PAM: variants seen among roughly 807,000 people sequenced by gnomAD.
PAM encodes the protein peptidyl-glycine alpha-amidating monooxygenase.
PAM carries 72 observed loss-of-function variants against 122.1 expected under a neutral mutation model. That is an observed-to-expected ratio of 0.59 (90% CI 0.49 to 0.72). The LOEUF (loss-of-function observed/expected upper bound fraction) is 0.72, where lower values mean the gene tolerates loss of function less well. Among genes scored for constraint, PAM ranks in the 30% least tolerant of loss-of-function variants. The probability of loss-of-function intolerance (pLI) is 0.00; values close to 1 mark genes in which losing one functional copy is unlikely to be tolerated. For synonymous variants in PAM, 389 were observed against 404.4 expected (o/e 0.96, Z 0.46); for missense variants, 1,106 against 1,183.7 (o/e 0.93, Z 0.96).
chr5:102,767,288 G>A (rs929061860), intron 1 of PAM, among the ~76,000 whole-genome samples: 2 of 151,946 alleles, frequency 1.3e-5, no homozygotes, highest in South Asian at 2.1e-4. Flanking sequence ...CATTTTGAAC[G>A]GTTGATGTTG....
At chr5:102,799,768 A>G (rs554620545) in intron 1 of PAM, among the ~76,000 whole-genome samples, 8 of 152,142 alleles carry the variant, frequency 5.3e-5, no homozygotes, top group Admixed American at 2.0e-4. Flanking sequence ...CTACTATTTC[A>G]CAGGTTGGCA....
chr5:102,755,304 C>T (rs907192835), upstream of PAM: 1 of 152,102 alleles, frequency 6.6e-6, no homozygotes, highest in African/African-American at 2.4e-5. Context: ...CTCCGCCGCC[C>T]GCAGGCTCCG....
At chr5:102,947,838 A>G (rs1323682371) in intron 8 of PAM, among the ~76,000 whole-genome samples, 2 of 152,136 alleles carry the variant, frequency 1.3e-5, no homozygotes, top group African/African-American at 4.8e-5. Flanking sequence ...ATAGAGAGAA[A>G]GAGAAAGAGT....
intron 1 of PAM, among the ~76,000 whole-genome samples, chr5:102,796,477 TGTCTGGTAGGA>T (rs544536720): frequency 6.6e-6 from 1 of 152,168 alleles, no homozygotes; most frequent in Admixed American, 6.5e-5. Context: ...ATCTTCCTAG[TGTCTGGTAGGA>T]GTCTGGTAGG....
intron 1 of PAM, among the ~76,000 whole-genome samples, chr5:102,777,235 G>A (rs1279893320): frequency 6.6e-6 from 1 of 152,030 alleles, no homozygotes; most frequent in Non-Finnish European, 1.5e-5. Context: ...TTTAGGAACT[G>A]AAGACTGTTC....
chr5:102,890,016 T>A (rs893773486), intron 3 of PAM, among the ~76,000 whole-genome samples: 2 of 151,970 alleles, frequency 1.3e-5, no homozygotes, highest in African/African-American at 4.8e-5. Flanking sequence ...GCAAAAAAGA[T>A]CTTAAAGATC....
At chr5:102,774,171 C>T (rs936452127) in intron 1 of PAM, among the ~76,000 whole-genome samples, 12 of 152,014 alleles carry the variant, frequency 7.9e-5, no homozygotes, top group African/African-American at 2.7e-4. Context: ...CTGCAGTGAA[C>T]GTTGATGTGC....
chr5:103,014,440 A>C (rs891362615), intron 21 of PAM, among the ~76,000 whole-genome samples: 1 of 152,222 alleles, frequency 6.6e-6, no homozygotes, highest in Non-Finnish European at 1.5e-5. Context: ...TATTACACCA[A>C]AACATATAAA....
chr5:102,784,206 C>G lies in PAM; in HGVS notation c.-374+28858C>G, dbSNP rs115455812. Among the ~76,000 whole-genome samples the G allele has an allele frequency of 9.8e-3, 1,499 of 152,218 alleles. 26 individuals carry two copies. Among genetic ancestry groups the G allele is most frequent in the African/African-American group, 0.034 (1,429 of 41,554 alleles). On this transcript the variant is annotated intron_variant, in intron 1 of 25. Coordinates refer to ENST00000438793, the MANE Select transcript of PAM (RefSeq NM_001177306.2). ...CCGCGCCCGGCTGATCTACCCCCAT[C>G]TTTCTCTCTGTTCTTACCTGGTGCT...
At chr5:102,788,559 A>C (rs144553645) in intron 1 of PAM, among the ~76,000 whole-genome samples, 1 of 152,118 alleles carries the variant, frequency 6.6e-6, no homozygotes, top group East Asian at 1.9e-4. Context: ...GAAATGCCTT[A>C]CCTATTTTTA....
At chr5:102,822,903 T>G (rs1772430653) in intron 1 of PAM, among the ~76,000 whole-genome samples, 1 of 152,206 alleles carries the variant, frequency 6.6e-6, no homozygotes, top group Admixed American at 6.5e-5. Flanking sequence ...TGTGCCCACC[T>G]GGATTCCTCC....
chr5:103,016,601 C>T (rs1782070291), intron 21 of PAM, among the ~76,000 whole-genome samples: 1 of 152,158 alleles, frequency 6.6e-6, no homozygotes, highest in South Asian at 2.1e-4. Context: ...TCCCCTGTCT[C>T]TTGTGTCCTC....
intron 21 of PAM, among the ~76,000 whole-genome samples, chr5:103,014,841 C>T (rs569294497): frequency 6.6e-6 from 1 of 152,274 alleles, no homozygotes; most frequent in Admixed American, 6.5e-5. Context: ...TGTCATTCCC[C>T]AAGTCATTCC....
intron 1 of PAM, among the ~76,000 whole-genome samples, chr5:102,825,363 C>T (rs1384909860): frequency 6.6e-6 from 1 of 151,846 alleles, no homozygotes; most frequent in Non-Finnish European, 1.5e-5. Context: ...AAATATTGTC[C>T]AAATCAAATA....
chr5:102,914,382 C>T (rs1304234928), intron 5 of PAM, among the ~76,000 whole-genome samples: 1 of 152,016 alleles, frequency 6.6e-6, no homozygotes, highest in East Asian at 1.9e-4. Context: ...GATGCCCAAA[C>T]TCCAGCATCA....
At chr5:102,816,586 C>T (rs993569748) in intron 1 of PAM, among the ~76,000 whole-genome samples, 3 of 152,100 alleles carry the variant, frequency 2.0e-5, no homozygotes, top group Non-Finnish European at 2.9e-5. Flanking sequence ...AGTGCTCTGT[C>T]CTCCGCTGAC....
At chr5:102,967,716 CT>C (rs199841427) in intron 14 of PAM, among the ~76,000 whole-genome samples, 300 of 131,010 alleles carry the variant, frequency 2.3e-3, no homozygotes, top group East Asian at 8.3e-3. Context: ...AAAACTAGGC[CT>C]TTTTTTTTTT....
In PAM at chr5:103,000,237, A is replaced by C. The variant is rs147136449; in HGVS notation, c.1614-2796A>C. Among the ~76,000 whole-genome samples, 434 of 152,264 alleles carry C rather than the reference A, an allele frequency of 2.9e-3. 3 individuals carry two copies. Among genetic ancestry groups the C allele is most frequent in the African/African-American group, 9.9e-3 (412 of 41,564 alleles). ...CTCTCTTCAGTTCAAAGTTCCACAG[A>C]TCTCTAGGGCAGGGGCAAAATGCCA... is the stretch of plus-strand genomic sequence containing the variant. On this transcript the variant is annotated intron_variant, in intron 16 of 25. Transcript: ENST00000438793.
At chr5:102,869,192 G>A (rs553532279) in intron 3 of PAM, among the ~76,000 whole-genome samples, 105 of 152,230 alleles carry the variant, frequency 6.9e-4, no homozygotes, top group African/African-American at 2.3e-3. Flanking sequence ...ACTGTATCCC[G>A]CCTCCCTTTC....
Sources: allele counts gnomAD v4.1 joint callset (sites outside exome capture counted in the v4.1 genomes callset), GRCh38; gene constraint gnomAD v4.1.1; transcripts MANE v1.5; gene names NCBI Gene and HGNC (gene_info 2026-07-23, HGNC 2026-07-21).